Variants in RANBP17 observed in about 807,000 individuals in gnomAD.
RANBP17 encodes RAN binding protein 17, also known as ran-binding protein 17.
A neutral mutation model predicts 141.2 loss-of-function variants in RANBP17; 158 were observed. The observed-to-expected ratio is 1.12, with a 90% CI of 0.98 to 1.28. The LOEUF (loss-of-function observed/expected upper bound fraction) is 1.28. Among genes scored for constraint, RANBP17 ranks in the 50% most tolerant of loss-of-function variants. The pLI, the probability that RANBP17 is intolerant of heterozygous loss-of-function variation, is 0.00. For missense variants in RANBP17, 1,438 were observed against 1,290.7 expected, an observed-to-expected ratio of 1.11 and a Z score of -1.75; for synonymous variants, 430 against 450.0, an observed-to-expected ratio of 0.96 and a Z score of 0.56.
At chr5:170,973,140 A>G (rs759583774) in intron 14 of RANBP17, among the ~76,000 whole-genome samples, 25 of 152,204 alleles carry the variant, frequency 1.6e-4, no homozygotes, top group Non-Finnish European at 4.4e-5. Context: ...AGGATCATCC[A>G]TCTCCCCTGT....
intron 27 of RANBP17, among the ~76,000 whole-genome samples, chr5:171,296,680 AGGTGGGT>A (rs1327255742): frequency 6.6e-6 from 1 of 152,230 alleles, no homozygotes; most frequent in African/African-American, 2.4e-5. Context: ...TGGGAAGCCG[AGGTGGGT>A]GGATCACCTG....
chr5:171,262,609 C>G (rs1436069465), intron 24 of RANBP17, among the ~76,000 whole-genome samples: 1 of 152,140 alleles, frequency 6.6e-6, no homozygotes, highest in Non-Finnish European at 1.5e-5. Flanking sequence ...TTTAGGGTAT[C>G]CATCACTGCA....
chr5:170,933,790 A>G (rs1773615131), intron 12 of RANBP17, among the ~76,000 whole-genome samples: 1 of 151,984 alleles, frequency 6.6e-6, no homozygotes, highest in Admixed American at 6.6e-5. Flanking sequence ...AGTTTGTTAT[A>G]ATTTCTGTTC....
intron 16 of RANBP17, among the ~76,000 whole-genome samples, chr5:171,181,626 A>G (rs1230887959): frequency 3.3e-5 from 5 of 152,248 alleles, no homozygotes; most frequent in East Asian, 1.9e-4. Flanking sequence ...CCAAACATAC[A>G]TGCTTCATAT....
chr5:171,001,558 T>C (rs1779202866), intron 14 of RANBP17, among the ~76,000 whole-genome samples: 1 of 152,136 alleles, frequency 6.6e-6, no homozygotes, highest in Admixed American at 6.6e-5. Flanking sequence ...AAATGGGCTG[T>C]ACTCTGTAGC....
chr5:171,139,002 A>T (rs1390981136), intron 14 of RANBP17, among the ~76,000 whole-genome samples: 1 of 152,156 alleles, frequency 6.6e-6, no homozygotes, highest in Non-Finnish European at 1.5e-5. Flanking sequence ...ACTCGAGCCC[A>T]AGAGTTCACA....
At chr5:171,292,535 A>G (rs1257532367) in intron 25 of RANBP17, among the ~76,000 whole-genome samples, 3 of 152,186 alleles carry the variant, frequency 2.0e-5, no homozygotes, top group Admixed American at 1.3e-4. Context: ...GACAAAACCA[A>G]CTGTGTTCCA....
chr5:171,128,751 T>C (rs1000875589), intron 14 of RANBP17, among the ~76,000 whole-genome samples: 1 of 152,074 alleles, frequency 6.6e-6, no homozygotes. Context: ...TATTCATGTA[T>C]CAAAATATCA....
intron 21 of RANBP17, among the ~76,000 whole-genome samples, chr5:171,221,461 T>A (rs1200626695): frequency 1.3e-5 from 2 of 152,216 alleles, no homozygotes; most frequent in Non-Finnish European, 2.9e-5. Flanking sequence ...CCAGTTGGCA[T>A]GAAAGAAGGG....
intron 12 of RANBP17, among the ~76,000 whole-genome samples, chr5:170,939,615 A>G (rs1774173482): frequency 1.3e-5 from 2 of 151,982 alleles, no homozygotes; most frequent in Admixed American, 6.6e-5. Context: ...CGAACTTCTG[A>G]TCTCAAGTGA....
intron 14 of RANBP17, among the ~76,000 whole-genome samples, chr5:171,049,872 C>A (rs1782842864): frequency 6.6e-6 from 1 of 152,206 alleles, no homozygotes; most frequent in South Asian, 2.1e-4. Context: ...GTTACTGTAG[C>A]CTTGTATTAT....
chr5:170,958,564 A>T (rs1224150591), intron 13 of RANBP17, among the ~76,000 whole-genome samples: 1 of 152,204 alleles, frequency 6.6e-6, no homozygotes, highest in Non-Finnish European at 1.5e-5. Flanking sequence ...CTTACGTAAA[A>T]TTACAAAAAA....
chr5:170,980,289 G>A (rs1215771095), intron 14 of RANBP17, among the ~76,000 whole-genome samples: 1 of 152,190 alleles, frequency 6.6e-6, no homozygotes, highest in Non-Finnish European at 1.5e-5. Context: ...TGATAGAAAA[G>A]AAAATCTCAT....
intron 14 of RANBP17, among the ~76,000 whole-genome samples, chr5:171,059,363 G>C (rs1423646538): frequency 6.6e-6 from 1 of 152,218 alleles, no homozygotes; most frequent in African/African-American, 2.4e-5. Flanking sequence ...AAGGGATCCA[G>C]TTTCAGCTTT....
intron 6 of RANBP17, 45 bp from the exon 7 acceptor site, chr5:170,910,924 T>A (rs980491303): frequency 6.4e-7 from 1 of 1,550,550 alleles, no homozygotes; most frequent in African/African-American, 1.4e-5. Flanking sequence ...TGTAAATTTA[T>A]TGATGTATTT....
intron 19 of RANBP17, among the ~76,000 whole-genome samples, chr5:171,201,832 C>T (rs181296869): frequency 1.4e-3 from 207 of 152,264 alleles, no homozygotes; most frequent in Middle Eastern, 3.4e-3. Flanking sequence ...TTTTCTATCA[C>T]GATGAATAAA....
chr5:171,156,441 G>A (rs1758900168), intron 14 of RANBP17, among the ~76,000 whole-genome samples: 1 of 152,076 alleles, frequency 6.6e-6, no homozygotes, highest in Non-Finnish European at 1.5e-5. Flanking sequence ...AAATTTTGGA[G>A]TATTTTTGTA....
chr5:170,909,948 G>A (rs1771398855), intron 6 of RANBP17, 183 bp downstream of exon 6: 3 of 444,852 alleles, frequency 6.7e-6, no homozygotes, highest in Non-Finnish European at 1.2e-5. Context: ...TTTACTCACT[G>A]GGCATATGAT....
chr5:171,003,687 A>G (rs749198366), intron 14 of RANBP17, among the ~76,000 whole-genome samples: 2 of 152,078 alleles, frequency 1.3e-5, no homozygotes, highest in Non-Finnish European at 2.9e-5. Flanking sequence ...TAAGGTGAGA[A>G]GTGGAGGGGT....
Sources: allele counts gnomAD v4.1 joint callset (sites outside exome capture counted in the v4.1 genomes callset), GRCh38; gene constraint gnomAD v4.1.1; transcripts MANE v1.5; gene names NCBI Gene and HGNC (gene_info 2026-07-23, HGNC 2026-07-21).